Variants in IL1RAPL2 observed in about 807,000 individuals in gnomAD.
IL1RAPL2 encodes the protein interleukin 1 receptor accessory protein like 2.
A neutral mutation model predicts 44.1 loss-of-function variants in IL1RAPL2; 3 were observed. The observed-to-expected ratio is 0.07, with a 90% CI of 0.03 to 0.18. The LOEUF (loss-of-function observed/expected upper bound fraction) is 0.18. Among genes scored for constraint, IL1RAPL2 ranks in the 10% least tolerant of loss-of-function variants. The pLI, the probability that IL1RAPL2 is intolerant of heterozygous loss-of-function variation, is 1.00. For missense variants in IL1RAPL2, 391 were observed against 496.4 expected, an observed-to-expected ratio of 0.79 and a Z score of 2.02; for synonymous variants, 181 against 178.8, an observed-to-expected ratio of 1.01 and a Z score of -0.10.
At position 105,487,669 on chromosome X, in the gene IL1RAPL2, A is replaced by G. The variant is rs190951724; in HGVS notation, c.772+3282A>G. On this transcript the variant is annotated intron_variant, in intron 6 of 10. Transcript: ENST00000372582. ...TTAAGTGATTTTAACTCTTTCACGG[A>G]TTTATTTAGTACCATTTATTCACAA... is the stretch of plus-strand genomic sequence containing the variant. Among the ~76,000 whole-genome samples, 152 of 112,148 alleles carry G rather than the reference A, an allele frequency of 1.4e-3. 1 individual carries two copies. The highest frequency in any genetic ancestry group is 4.6e-3 in the African/African-American group (143 of 30,894).
chrX:105,336,198 G>C (rs1471821993), intron 5 of IL1RAPL2, among the ~76,000 whole-genome samples: 1 of 112,215 alleles, frequency 8.9e-6, no homozygotes, highest in African/African-American at 3.2e-5. Flanking sequence ...ATCCAGTCAG[G>C]AGGTTTGTTG....
chrX:105,006,569 A>G (rs745668001), intron 2 of IL1RAPL2, among the ~76,000 whole-genome samples: 1 of 111,221 alleles, frequency 9.0e-6, no homozygotes, highest in South Asian at 3.7e-4. Context: ...GGAAGATGCG[A>G]ATGACTAATC....
chrX:104,690,642 C>T (rs901637269), intron 2 of IL1RAPL2, among the ~76,000 whole-genome samples: 1 of 112,258 alleles, frequency 8.9e-6, no homozygotes, highest in East Asian at 2.8e-4. Flanking sequence ...CCTATCTTCT[C>T]TTCCTCTTGC....
intron 4 of IL1RAPL2, among the ~76,000 whole-genome samples, chrX:105,251,501 A>C (rs1359084688): frequency 1.8e-5 from 2 of 110,762 alleles, no homozygotes; most frequent in African/African-American, 6.5e-5. Context: ...GTGTGCCCTG[A>C]AACCATAGTC....
chrX:105,407,538 G>C (rs1162323597), intron 5 of IL1RAPL2, among the ~76,000 whole-genome samples: 1 of 111,786 alleles, frequency 8.9e-6, no homozygotes. Flanking sequence ...AATAGCTTTA[G>C]TGACGCCTCC....
intron 2 of IL1RAPL2, among the ~76,000 whole-genome samples, chrX:104,741,061 T>C (rs1407107800): frequency 8.9e-6 from 1 of 111,777 alleles, no homozygotes; most frequent in East Asian, 2.8e-4. Context: ...CACATGCATC[T>C]GTCTTTCCAG....
chrX:105,455,108 T>C (rs1275835917), intron 5 of IL1RAPL2, among the ~76,000 whole-genome samples: 3 of 111,986 alleles, frequency 2.7e-5, no homozygotes, highest in Admixed American at 9.5e-5. Context: ...AAAGTAAATA[T>C]ATAAACTGCC....
intron 2 of IL1RAPL2, among the ~76,000 whole-genome samples, chrX:104,943,496 T>A (rs1925255062): frequency 8.9e-6 from 1 of 112,208 alleles, no homozygotes. Context: ...TTTCTCCAGT[T>A]GAAATCTTTG....
chrX:105,499,083 C>CG (rs1174715160), intron 6 of IL1RAPL2, among the ~76,000 whole-genome samples: 2 of 111,277 alleles, frequency 1.8e-5, no homozygotes, highest in Admixed American at 1.9e-4. Flanking sequence ...ACAATCCCCC[C>CG]GATACTGTCC....
At chrX:105,012,597 T>TA (rs1491133916) in intron 2 of IL1RAPL2, among the ~76,000 whole-genome samples, 1 of 56,721 alleles carries the variant, frequency 1.8e-5, no homozygotes. Context: ...TAACTTTCTC[T>TA]TTCTCTCTCT....
At chrX:105,549,493 A>G (rs932517189) in intron 6 of IL1RAPL2, among the ~76,000 whole-genome samples, 3 of 110,294 alleles carry the variant, frequency 2.7e-5, no homozygotes, top group African/African-American at 9.9e-5. Context: ...TCCTGTTGTC[A>G]CCTCCCTTCA....
rs184144294 is a variant in IL1RAPL2, at chrX:105,531,401, A to G, written c.772+47014A>G. 2.7e-5 allele frequency among the ~76,000 whole-genome samples: 3 copies of G among 111,831 alleles called. No individual in the cohort carries two copies. In the East Asian group the frequency reaches 8.5e-4, roughly 32 times the overall value. The stretch of plus-strand genomic sequence containing the variant: ...TTCTGCCCATTTTTTGATTGAATTA[A>G]TAGGTTTTTCCCCATAGAATTGTTT... On this transcript the variant is annotated intron_variant, in intron 6 of 10. Coordinates refer to ENST00000372582, the MANE Select transcript of IL1RAPL2 (RefSeq NM_017416.2).
intron 1 of IL1RAPL2, among the ~76,000 whole-genome samples, chrX:104,632,817 T>A (rs1214194113): frequency 9.1e-6 from 1 of 109,435 alleles, no homozygotes; most frequent in Non-Finnish European, 1.9e-5. Flanking sequence ...CTTTTCCTAT[T>A]TGAATACCCT....
chrX:105,746,278 G>A (rs927504307), intron 8 of IL1RAPL2, among the ~76,000 whole-genome samples: 6 of 112,314 alleles, frequency 5.3e-5, no homozygotes, highest in Non-Finnish European at 1.1e-4. Context: ...CCTAGAAAAA[G>A]TTACAAGCCC....
rs138007375 is a variant in IL1RAPL2, at chrX:105,048,061, A to G, written c.83-147414A>G. Among the ~76,000 whole-genome samples, 11 of 111,592 alleles carry G rather than the reference A, an allele frequency of 9.9e-5. 1 individual carries two copies. The East Asian group carries it at 3.1e-3, about 32-fold the overall frequency. On this transcript the variant is annotated intron_variant, in intron 2 of 10. Transcript: ENST00000372582. ...AGTGCGAATGCAGAAGTGAGCAAGT[A>G]AGGAAGCAGCTCTGTAAAGGAAGAA...
chrX:105,653,732 T>A (rs1455235804), intron 6 of IL1RAPL2, among the ~76,000 whole-genome samples: 1 of 111,611 alleles, frequency 9.0e-6, no homozygotes, highest in Non-Finnish European at 1.9e-5. Context: ...AGGTATATCT[T>A]TAAAATTTCT....
In IL1RAPL2 at chrX:105,316,216, G is replaced by A. The variant is rs1377609152; in HGVS notation, c.697+48675G>A. On this transcript the variant is annotated intron_variant, in intron 5 of 10. Coordinates refer to ENST00000372582, the MANE Select transcript of IL1RAPL2 (RefSeq NM_017416.2). ...TTGAACCTGGAAGGCAGAGGTTGCAGTGAGCTGAGATCAAGTCACTGAACT... is the reference window on the plus strand; with the variant it reads ...TTGAACCTGGAAGGCAGAGGTTGCAATGAGCTGAGATCAAGTCACTGAACT... 2.7e-5 allele frequency among the ~76,000 whole-genome samples: 3 copies of A among 111,505 alleles called. No homozygotes were observed. In the East Asian group the frequency reaches 8.5e-4, roughly 31 times the overall value.
At chrX:104,903,724 C>T (rs778609276) in intron 2 of IL1RAPL2, among the ~76,000 whole-genome samples, 5 of 110,115 alleles carry the variant, frequency 4.5e-5, no homozygotes, top group African/African-American at 9.9e-5. Flanking sequence ...ACTACAGGCA[C>T]GCATCACCAT....
At chrX:104,845,718 A>G (rs766644990) in intron 2 of IL1RAPL2, among the ~76,000 whole-genome samples, 20 of 111,458 alleles carry the variant, frequency 1.8e-4, no homozygotes, top group Non-Finnish European at 3.2e-4. Context: ...CCTTGACTCT[A>G]TTTGTCATGG....
Sources: allele counts gnomAD v4.1 joint callset (sites outside exome capture counted in the v4.1 genomes callset), GRCh38; gene constraint gnomAD v4.1.1; transcripts MANE v1.5; gene names NCBI Gene and HGNC (gene_info 2026-07-23, HGNC 2026-07-21).